HS6ST2: variants seen among roughly 807,000 people sequenced by gnomAD.
HS6ST2 encodes heparan-sulfate 6-O-sulfotransferase 2.
In HS6ST2, 17 loss-of-function variants were observed where a neutral mutation model predicts 33.0. That is an observed-to-expected ratio of 0.52 (90% confidence interval 0.35 to 0.77). The LOEUF (loss-of-function observed/expected upper bound fraction) is 0.77. HS6ST2 is among the 30% of genes least tolerant of loss of function. HS6ST2 has a pLI of 0.01. For missense variants in HS6ST2, 519 were observed against 551.7 expected (o/e 0.94, Z 0.59); for synonymous variants, 248 against 237.1 (o/e 1.05, Z -0.42).
At chrX:132,839,315 TAC>T (rs1175550720) in intron 2 of HS6ST2, among the ~76,000 whole-genome samples, 399 of 21,088 alleles carry the variant, frequency 0.019, 4 homozygotes, top group African/African-American at 0.11. Flanking sequence ...TATATATATA[TAC>T]ACACACATGT....
At chrX:132,861,836 A>G (rs1431507821) in intron 2 of HS6ST2, among the ~76,000 whole-genome samples, 1 of 111,667 alleles carries the variant, frequency 9.0e-6, no homozygotes, top group Non-Finnish European at 1.9e-5. Flanking sequence ...CAAATCTGTT[A>G]TCCTTTTTAT....
intron 2 of HS6ST2, among the ~76,000 whole-genome samples, chrX:132,916,901 C>T (rs765642137): frequency 1.2e-4 from 13 of 111,947 alleles, no homozygotes; most frequent in Non-Finnish European, 1.5e-4. Context: ...TCGTGTGAGT[C>T]AATTCTCCTT....
At position 132,783,716 on chromosome X, in the gene HS6ST2, A is replaced by G. The variant is rs906752927; in HGVS notation, c.948-75222T>C. ...CTAGGAACCCCTCCCTCAGGTCCCA[A>G]TAACTCCGCCTCAGGAAGCCCTCTC... On this transcript the variant is annotated intron_variant, in intron 2 of 4. Transcript: ENST00000370833. Among the ~76,000 whole-genome samples, 6 of 111,018 alleles carry G rather than the reference A, an allele frequency of 5.4e-5. No individual in the cohort carries two copies. In the East Asian group the frequency reaches 1.4e-3, roughly 26 times the overall value.
intron 4 of HS6ST2, among the ~76,000 whole-genome samples, chrX:132,649,695 T>C (rs1217629470): frequency 1.8e-5 from 2 of 110,832 alleles, no homozygotes; most frequent in East Asian, 5.7e-4. Flanking sequence ...TTGTGTCTAC[T>C]AAAAATACAA....
At chrX:132,862,992 C>A (rs777201929) in intron 2 of HS6ST2, among the ~76,000 whole-genome samples, 1 of 112,245 alleles carries the variant, frequency 8.9e-6, no homozygotes, top group Non-Finnish European at 1.9e-5. Flanking sequence ...TCAAGGTGAA[C>A]AAGCAGGGCC....
At chrX:132,816,901 A>T (rs773118858) in intron 2 of HS6ST2, among the ~76,000 whole-genome samples, 1 of 111,493 alleles carries the variant, frequency 9.0e-6, no homozygotes, top group South Asian at 3.8e-4. Context: ...TCAGGGCTCT[A>T]ATTGGCGGTG....
chrX:132,861,807 A>T (rs2065914168), intron 2 of HS6ST2, among the ~76,000 whole-genome samples: 1 of 111,256 alleles, frequency 9.0e-6, no homozygotes, highest in Non-Finnish European at 1.9e-5. Flanking sequence ...TGTCTTTCTT[A>T]TTCGTTGCAA....
At chrX:132,803,814 C>T in intron 2 of HS6ST2, among the ~76,000 whole-genome samples, 1 of 111,954 alleles carries the variant, frequency 8.9e-6, no homozygotes, top group East Asian at 2.8e-4. Flanking sequence ...CATACGTATA[C>T]AAATACTAAT....
intron 2 of HS6ST2, among the ~76,000 whole-genome samples, chrX:132,770,302 AT>A (rs1249614849): frequency 8.9e-6 from 1 of 111,741 alleles, no homozygotes; most frequent in African/African-American, 3.3e-5. Flanking sequence ...AACCCAGGTC[AT>A]TCAAATTCCA....
At chrX:132,757,999 A>T (rs1240400370) in intron 2 of HS6ST2, among the ~76,000 whole-genome samples, 2 of 112,111 alleles carry the variant, frequency 1.8e-5, no homozygotes, top group Non-Finnish European at 3.8e-5. Flanking sequence ...ATTCTTCCCA[A>T]ATTTGAACAC....
intron 2 of HS6ST2, among the ~76,000 whole-genome samples, chrX:132,830,885 T>C (rs1231000023): frequency 9.0e-6 from 1 of 111,729 alleles, no homozygotes; most frequent in African/African-American, 3.3e-5. Context: ...CCAGTGCCTT[T>C]TACCGCCAGT....
chrX:132,906,793 G>A (rs937916484), intron 2 of HS6ST2, among the ~76,000 whole-genome samples: 1 of 111,137 alleles, frequency 9.0e-6, no homozygotes, highest in African/African-American at 3.3e-5. Flanking sequence ...TCAGCCTCCC[G>A]AGTAGCTGGA....
At chrX:132,860,221 A>G (rs963184236) in intron 2 of HS6ST2, among the ~76,000 whole-genome samples, 33 of 111,886 alleles carry the variant, frequency 2.9e-4, no homozygotes, top group Non-Finnish European at 3.9e-4. Flanking sequence ...GGCATATCTG[A>G]GCTTATGAGT....
rs144126739 is a variant in HS6ST2 at position 132,804,305 on chromosome X, C to T, written c.948-95811G>A. On this transcript the variant is annotated intron_variant, in intron 2 of 4. Transcript: ENST00000370833. ...CATTGCCACCATCCACTGCTTAGAA[C>T]CCTGCCCCGAGCAAGTGTGCAGATA... 3.4e-3 allele frequency among the ~76,000 whole-genome samples: 376 copies of T among 111,896 alleles called. 1 individual carries two copies. The highest frequency in any genetic ancestry group is 0.011 in the African/African-American group (330 of 30,809).
In HS6ST2 at chrX:132,628,202, G is replaced by A. The variant is rs765181764; in HGVS notation, c.*21C>T. On this transcript the variant is annotated 3_prime_UTR_variant, in exon 5 of 5. Coordinates refer to ENST00000370833, the MANE Select transcript of HS6ST2 (RefSeq NM_001394073.1). ...TTCAGTGGCGCTTTGGGAGAAGTAT[G>A]TACAGGCCTTTTTGAGCCATTTAAC... 4 of 1,073,747 alleles carry A rather than the reference G, an allele frequency of 3.7e-6. No homozygotes were observed. The highest frequency in any genetic ancestry group is 5.0e-6 in the Non-Finnish European group (4 of 793,565). 88.5% of individuals were successfully genotyped at this position (1,073,747 alleles called of 1,213,427 possible). A position where few individuals can be genotyped will look rare whatever the true frequency, so the allele number is the denominator to read the frequency against.
At chrX:132,700,686 A>T (rs1280333134) in intron 3 of HS6ST2, among the ~76,000 whole-genome samples, 2 of 110,280 alleles carry the variant, frequency 1.8e-5, no homozygotes, top group African/African-American at 6.6e-5. Flanking sequence ...AAGAGACTCA[A>T]AGTACTGAGA....
chrX:132,814,739 C>T (rs982164174), intron 2 of HS6ST2, among the ~76,000 whole-genome samples: 8 of 111,608 alleles, frequency 7.2e-5, no homozygotes, highest in African/African-American at 2.6e-4. Context: ...CTACTGAGCA[C>T]GGCCCCATCT....
chrX:132,804,288 C>T (rs1354132514), intron 2 of HS6ST2, among the ~76,000 whole-genome samples: 1 of 111,771 alleles, frequency 8.9e-6, no homozygotes. Flanking sequence ...TCCATTGCCA[C>T]CATCCACTGC....
chrX:132,855,877 G>T (rs1428694333), intron 2 of HS6ST2, among the ~76,000 whole-genome samples: 1 of 109,451 alleles, frequency 9.1e-6, no homozygotes, highest in Non-Finnish European at 1.9e-5. Flanking sequence ...GTGGTTCCGG[G>T]AGTTGGTCAG....
Sources: allele counts gnomAD v4.1 joint callset (sites outside exome capture counted in the v4.1 genomes callset), GRCh38; gene constraint gnomAD v4.1.1; transcripts MANE v1.5; gene names NCBI Gene and HGNC (gene_info 2026-07-23, HGNC 2026-07-21).